The following CRTC1 variants were observed in gnomAD, a reference collection of about 807,000 sequenced individuals.
CRTC1 encodes CREB regulated transcription coactivator 1.
A neutral mutation model predicts 66.1 loss-of-function variants in CRTC1; 18 were observed. The observed-to-expected ratio is 0.27, with a 90% CI of 0.19 to 0.40. The LOEUF is 0.40. Ranked by LOEUF, CRTC1 falls within the 10% of genes least tolerant of loss-of-function variation. CRTC1 has a pLI of 1.00. For synonymous variants in CRTC1, 416 were observed against 398.8 expected (o/e 1.04, Z -0.51); for missense variants, 669 against 887.9 (o/e 0.75, Z 3.13).
At chr19:18,756,067 C>G (rs1235821203) in intron 6 of CRTC1, among the ~76,000 whole-genome samples, 3 of 151,994 alleles carry the variant, frequency 2.0e-5, no homozygotes, top group Admixed American at 2.0e-4. Context: ...GGTGCAGTGG[C>G]TTACGCCTGT....
At position 18,771,403 on chromosome 19, in the gene CRTC1, C is replaced by T; in HGVS notation, c.1321-39C>T. ...GCAGGGACTGGAGCCCGGGCTTGGG[C>T]AGCTGGGCTGCGGCGTGCTGATCTG... is the stretch of plus-strand genomic sequence containing the variant. On this transcript the variant is annotated intron_variant, in intron 10 of 13. Transcript: ENST00000321949. The surrounding 1 kb of genome is among the most constrained non-coding windows in gnomAD (Gnocchi z 4.6). The T allele has an allele frequency of 6.4e-7, 1 of 1,554,138 alleles. No homozygotes were observed. The highest frequency in any genetic ancestry group is 2.4e-5 in the East Asian group (1 of 41,768).
rs770544940 is a variant in CRTC1 at position 18,777,159 on chromosome 19, C to T, written c.1694-12C>T. 3 of 1,392,586 alleles carry T rather than the reference C, an allele frequency of 2.2e-6. No individual in the cohort carries two copies. The highest frequency in any genetic ancestry group is 3.0e-6 in the Non-Finnish European group (3 of 984,378). 86.3% of individuals were successfully genotyped at this position (1,392,586 alleles called of 1,614,324 possible). ...GCTAAGCAGTGCCTTTTGTCCCCAC[C>T]CCATCCCCCAGTGACAGGAGAGTCC... On this transcript the variant is annotated splice_polypyrimidine_tract_variant and intron_variant, in intron 13 of 13. Transcript: ENST00000321949. The surrounding 1 kb of genome is among the most constrained non-coding windows in gnomAD (Gnocchi z 5.5).
intron 4 of CRTC1, among the ~76,000 whole-genome samples, chr19:18,747,803 C>G (rs527646790): frequency 6.6e-6 from 1 of 152,152 alleles, no homozygotes; most frequent in African/African-American, 2.4e-5. Context: ...ACAGGCCAGG[C>G]ACAGTGGCTC....
chr19:18,717,019 G>A (rs752658291), intron 1 of CRTC1, among the ~76,000 whole-genome samples: 11 of 152,244 alleles, frequency 7.2e-5, no homozygotes, highest in Non-Finnish European at 1.2e-4. Flanking sequence ...GTGTGTGTGC[G>A]TGTGAGCATA....
At chr19:18,775,970 C>G (rs533462348) in intron 13 of CRTC1, 149 bp downstream of exon 13, 6 of 841,398 alleles carry the variant, frequency 7.1e-6, no homozygotes, top group Non-Finnish European at 5.3e-6. Flanking sequence ...GCCACACCCC[C>G]TCTCCCCTGA....
intron 1 of CRTC1, among the ~76,000 whole-genome samples, chr19:18,724,692 G>T (rs1022824591): frequency 6.7e-6 from 1 of 149,648 alleles, no homozygotes; most frequent in African/African-American, 2.5e-5. Context: ...CTCATCTTCT[G>T]TCTCTTAAAA....
At position 18,768,086 on chromosome 19, in the gene CRTC1, T is replaced by G. The variant is rs1023062801; in HGVS notation, c.1012-399T>G. Among the ~76,000 whole-genome samples the G allele has an allele frequency of 2.0e-5, 3 of 151,426 alleles. No individual in the cohort carries two copies. Among genetic ancestry groups the G allele is most frequent in the Non-Finnish European group, 4.4e-5 (3 of 67,850 alleles). On this transcript the variant is annotated intron_variant, in intron 9 of 13. Transcript: ENST00000321949. This position sits in a 1 kb window ranked among gnomAD's most constrained non-coding sequence, Gnocchi z 5.6. ...GTGGGCAAGGCTTTGGGCGGGGGGG[T>G]TTGGGAAGGCAAGGCCAGTGGATCA...
At chr19:18,742,024 C>T (rs1192913554) in intron 1 of CRTC1, among the ~76,000 whole-genome samples, 1 of 152,144 alleles carries the variant, frequency 6.6e-6, no homozygotes, top group South Asian at 2.1e-4. Context: ...CTCCTTCCTG[C>T]CTGCCCAGCC....
chr19:18,734,267 G>A (rs1310468322), intron 1 of CRTC1, among the ~76,000 whole-genome samples: 1 of 152,114 alleles, frequency 6.6e-6, no homozygotes, highest in East Asian at 1.9e-4. Context: ...GGTTGACAGT[G>A]TACTAAATGC....
At chr19:18,689,583 A>ATATATATATATATATATATATGTATATG (rs60084986) in intron 1 of CRTC1, among the ~76,000 whole-genome samples, 1 of 65,736 alleles carries the variant, frequency 1.5e-5, no homozygotes, top group African/African-American at 9.7e-5. Context: ...ATATATATAT[A>ATATATATATATATATATATATGTATATG]TATGTAATAT....
At position 18,781,073 on chromosome 19, in the gene CRTC1, C is replaced by T. The variant is rs2055093168; in HGVS notation, c.*3691C>T. ...AAAACAGCAGCTCCCATCACCTTCA[C>T]TGGGTCCCGATGGAGCCGTCTCAGA... On this transcript the variant is annotated 3_prime_UTR_variant, in exon 14 of 14. Coordinates refer to ENST00000321949, the MANE Select transcript of CRTC1 (RefSeq NM_015321.3). 4.4e-6 allele frequency: 1 copy of T among 228,062 alleles called. No homozygotes were observed. The highest frequency in any genetic ancestry group is 2.2e-5 in the African/African-American group (1 of 44,974). The allele number at this position is 228,062 out of a possible 1,614,324, so 14.1% of individuals were successfully genotyped here. A position where few individuals can be genotyped will look rare whatever the true frequency, so the allele number is the denominator to read the frequency against.
chr19:18,712,024 C>CT (rs748620402), intron 1 of CRTC1, among the ~76,000 whole-genome samples: 27 of 152,136 alleles, frequency 1.8e-4, no homozygotes, highest in Non-Finnish European at 3.8e-4. Flanking sequence ...TCCCAGCAGC[C>CT]TCAACATCCA....
At chr19:18,713,584 C>T (rs558603522) in intron 1 of CRTC1, among the ~76,000 whole-genome samples, 62 of 37,154 alleles carry the variant, frequency 1.7e-3, no homozygotes, top group Non-Finnish European at 2.5e-3. Context: ...CTCCTCCCTC[C>T]AATGTTACTG....
chr19:18,717,122 T>C (rs1361075518), intron 1 of CRTC1, among the ~76,000 whole-genome samples: 1 of 152,178 alleles, frequency 6.6e-6, no homozygotes, highest in Non-Finnish European at 1.5e-5. Flanking sequence ...TGAACACGTG[T>C]GATGTCTGTA....
At position 18,759,564 on chromosome 19, in the gene CRTC1, C is replaced by T. The variant is rs969154526; in HGVS notation, c.638C>T (p.Pro213Leu). 6.2e-7 allele frequency: 1 copy of T among 1,613,010 alleles called. No individual in the cohort carries two copies. The highest frequency in any genetic ancestry group is 1.3e-5 in the African/African-American group (1 of 74,932). The part of the protein sequence containing the change: ...AWDTKKTGSR[P>L]KSCEVPGINI... ...CTTCTCTTTCAGACGGGGTCCAGGC[C>T]CAAGTCCTGTGAGGTCCCCGGAATC... Residue 213 changes from proline (P) to leucine (L), a missense_variant, in exon 7 of 14, where the codon CCC (proline) becomes CTC (leucine). Physicochemically the swap from Pro to Leu is moderately conservative, Grantham distance 98. Around this residue, in one of 8 missense-constraint regions of CRTC1, gnomAD observed 214 missense variants for 323.4 expected, o/e 0.66. Coordinates refer to ENST00000321949, the MANE Select transcript of CRTC1 (RefSeq NM_015321.3).
intron 1 of CRTC1, among the ~76,000 whole-genome samples, chr19:18,733,653 C>T (rs1568507904): frequency 6.6e-6 from 1 of 152,208 alleles, no homozygotes; most frequent in Non-Finnish European, 1.5e-5. Context: ...TCTGGTGGAC[C>T]AGCCATGCAG....
At chr19:18,704,900 C>A (rs986933585) in intron 1 of CRTC1, among the ~76,000 whole-genome samples, 9 of 142,728 alleles carry the variant, frequency 6.3e-5, no homozygotes, top group Non-Finnish European at 1.2e-4. Flanking sequence ...ACCCACCCAC[C>A]CCCTACCCCC....
At chr19:18,702,261 C>T (rs1175013775) in intron 1 of CRTC1, among the ~76,000 whole-genome samples, 1 of 151,524 alleles carries the variant, frequency 6.6e-6, no homozygotes, top group East Asian at 1.9e-4. Flanking sequence ...GCTCTGTTGC[C>T]CAGGCTGGAC....
chr19:18,683,699 G>C lies in CRTC1; in HGVS notation c.-4G>C. ...GAGGAGGAGGAGGAGGTGGCGGCGA[G>C]AAGATGGCGACTTCGAACAATCCGC... On this transcript the variant is annotated 5_prime_UTR_variant, in exon 1 of 14. Coordinates refer to ENST00000321949, the MANE Select transcript of CRTC1 (RefSeq NM_015321.3). The C allele has an allele frequency of 7.2e-7, 1 of 1,397,682 alleles. No homozygotes were observed. The highest frequency in any genetic ancestry group is 9.5e-7 in the Non-Finnish European group (1 of 1,051,184). The allele number at this position is 1,397,682 out of a possible 1,614,324, so 86.6% of individuals were successfully genotyped here.
Sources: gnomAD v4.1 joint callset for allele counts (sites outside exome capture counted in the v4.1 genomes callset) on GRCh38, gnomAD v4.1.1 for gene constraint, gnomAD v4.1.1 regional missense constraint, Gnocchi (gnomAD v3.1) non-coding constraint, MANE v1.5 for transcripts, NCBI Gene and HGNC (gene_info 2026-07-23, HGNC 2026-07-21) for gene names.